Variants in TMEM65 observed in about 807,000 individuals in gnomAD.
TMEM65 encodes transmembrane protein 65.
TMEM65 carries 22 observed loss-of-function variants against 25.4 expected under a neutral mutation model. The ratio of observed to expected loss-of-function variants is 0.86; its 90% CI spans 0.62 to 1.23. The LOEUF is 1.23. Ranked by LOEUF, TMEM65 falls within the 50% of genes most tolerant of loss-of-function variation. The pLI is 0.00. For missense variants in TMEM65, 262 were observed against 308.2 expected (o/e 0.85, Z 1.12); for synonymous variants, 132 against 126.2 (o/e 1.05, Z -0.31).
chr8:124,329,189 T>A (rs1814403037), intron 2 of TMEM65, among the ~76,000 whole-genome samples: 1 of 151,970 alleles, frequency 6.6e-6, no homozygotes, highest in Non-Finnish European at 1.5e-5. Flanking sequence ...AAAATGGGAT[T>A]TTTTTTCAAT....
chr8:124,331,056 G>A (rs1814425696), intron 1 of TMEM65, among the ~76,000 whole-genome samples: 1 of 151,678 alleles, frequency 6.6e-6, no homozygotes, highest in African/African-American at 2.4e-5. Context: ...TTTGTTTTTT[G>A]TTTTTCAGAT....
intron 6 of TMEM65, among the ~76,000 whole-genome samples, 188 bp from the exon 7 acceptor site, chr8:124,314,249 GT>G (rs1814204543): frequency 6.6e-6 from 1 of 151,942 alleles, no homozygotes; most frequent in Non-Finnish European, 1.5e-5. Flanking sequence ...ACATAGCTTT[GT>G]TTTCTTCCTC....
chr8:124,327,805 TA>T (rs1814385209), intron 2 of TMEM65, among the ~76,000 whole-genome samples: 1 of 152,210 alleles, frequency 6.6e-6, no homozygotes, highest in South Asian at 2.1e-4. Context: ...CTATTATGAC[TA>T]AAGTCTGATA....
At chr8:124,331,143 T>C (rs923392004) in intron 1 of TMEM65, among the ~76,000 whole-genome samples, 6 of 151,920 alleles carry the variant, frequency 3.9e-5, no homozygotes, top group African/African-American at 9.6e-5. Flanking sequence ...GAAATAAAGG[T>C]ACTCTTCTTT....
chr8:124,361,834 T>C (rs1184192320), intron 1 of TMEM65, among the ~76,000 whole-genome samples: 1 of 151,644 alleles, frequency 6.6e-6, no homozygotes, highest in African/African-American at 2.4e-5. Context: ...AAACTCCATC[T>C]CAAAAAAATA....
intron 1 of TMEM65, among the ~76,000 whole-genome samples, chr8:124,359,803 C>T (rs921796657): frequency 2.6e-5 from 4 of 151,308 alleles, no homozygotes; most frequent in African/African-American, 4.8e-5. Flanking sequence ...TAATTGATAA[C>T]GAAAATTAAA....
intron 3 of TMEM65, among the ~76,000 whole-genome samples, chr8:124,325,402 C>G (rs145404043): frequency 6.6e-6 from 1 of 151,926 alleles, no homozygotes; most frequent in African/African-American, 2.4e-5. Context: ...TATAACGAAG[C>G]CTCACTGGAA....
chr8:124,332,917 T>C (rs936525844), intron 1 of TMEM65, among the ~76,000 whole-genome samples: 5 of 152,116 alleles, frequency 3.3e-5, no homozygotes, highest in Non-Finnish European at 7.4e-5. Flanking sequence ...GCGATTCTCC[T>C]GTTTCAGCCT....
At chr8:124,334,353 T>G (rs1482184066) in intron 1 of TMEM65, among the ~76,000 whole-genome samples, 1 of 151,976 alleles carries the variant, frequency 6.6e-6, no homozygotes, top group African/African-American at 2.4e-5. Context: ...TTCAAAGATG[T>G]AAATAAAAAT....
At chr8:124,358,031 T>G (rs960370952) in intron 1 of TMEM65, among the ~76,000 whole-genome samples, 2 of 151,926 alleles carry the variant, frequency 1.3e-5, no homozygotes, top group African/African-American at 4.8e-5. Flanking sequence ...GGTTTCGCCA[T>G]GTTAGCCAGG....
intron 6 of TMEM65, among the ~76,000 whole-genome samples, chr8:124,316,355 A>AAT (rs1208550425): frequency 2.0e-5 from 3 of 152,204 alleles, no homozygotes; most frequent in Non-Finnish European, 2.9e-5. Flanking sequence ...GAGGTTTTAA[A>AAT]ATACACCTGT....
intron 1 of TMEM65, among the ~76,000 whole-genome samples, chr8:124,362,709 G>A (rs1814885499): frequency 6.8e-6 from 1 of 146,540 alleles, no homozygotes. Flanking sequence ...AAAGGTTTAT[G>A]AAAATCCAAT....
intron 1 of TMEM65, among the ~76,000 whole-genome samples, chr8:124,362,451 C>G (rs1814879943): frequency 6.6e-6 from 1 of 151,720 alleles, no homozygotes; most frequent in South Asian, 2.1e-4. Flanking sequence ...CACTTGAGGT[C>G]AGGAGTTCAA....
chr8:124,333,089 A>C (rs1255337229), intron 1 of TMEM65, among the ~76,000 whole-genome samples: 2 of 152,020 alleles, frequency 1.3e-5, no homozygotes, highest in Non-Finnish European at 2.9e-5. Context: ...GGCGTGAGCC[A>C]CCATGCCCAG....
At chr8:124,331,871 A>G (rs945751317) in intron 1 of TMEM65, among the ~76,000 whole-genome samples, 2 of 152,196 alleles carry the variant, frequency 1.3e-5, no homozygotes, top group Non-Finnish European at 1.5e-5. Flanking sequence ...ATAAAAAAGT[A>G]AAAGTCAAAT....
chr8:124,354,766 A>G (rs28721926), intron 1 of TMEM65, among the ~76,000 whole-genome samples: 12,997 of 152,196 alleles, frequency 0.085, 599 homozygotes, highest in African/African-American at 0.11. Context: ...CCAAGGTGAG[A>G]ATTTCACCAG....
chr8:124,353,394 T>C (rs569026936), intron 1 of TMEM65, among the ~76,000 whole-genome samples: 2 of 152,256 alleles, frequency 1.3e-5, no homozygotes, highest in South Asian at 2.1e-4. Flanking sequence ...ACATGCCCTG[T>C]GTTATTAGCT....
At position 124,327,308 on chromosome 8, in the gene TMEM65, A is replaced by G. The variant is rs776098235; in HGVS notation, c.417+46T>C. ...AAATTATTAGGAAAATGTAGACCAC[A>G]TTAATTTATGAACTCAAAATAGAAG... is the stretch of plus-strand genomic sequence containing the variant. On this transcript the variant is annotated intron_variant, in intron 3 of 6. Coordinates refer to ENST00000297632, the MANE Select transcript of TMEM65 (RefSeq NM_194291.3). 2.7e-5 allele frequency: 35 copies of G among 1,304,156 alleles called. 1 individual carries two copies. The South Asian group carries it at 4.5e-4, about 17-fold the overall frequency. 80.8% of individuals were successfully genotyped at this position (1,304,156 alleles called of 1,614,324 possible). A position where few individuals can be genotyped will look rare whatever the true frequency, so the allele number is the denominator to read the frequency against.
Position 124,371,882 on chromosome 8 carries a change from G to T in TMEM65, c.276C>A (p.His92Gln). 6.5e-7 allele frequency: 1 copy of T among 1,547,986 alleles called. No homozygotes were observed. The change falls in exon 1 of 7, where the codon CAC becomes CAA. Residue 92 changes from histidine (H) to glutamine (Q), a missense_variant. Transcript: ENST00000297632. ...TERSCLLKEL[H>Q]RFESIAIAQE... ...GGGCAATGGCAATAGACTCGAAGCG[G>T]TGCAGCTCTTTGAGCAGGCAGCTCC... is the stretch of plus-strand genomic sequence containing the variant.
Sources: gnomAD v4.1 joint callset for allele counts (sites outside exome capture counted in the v4.1 genomes callset) on GRCh38, gnomAD v4.1.1 for gene constraint, MANE v1.5 for transcripts, NCBI Gene and HGNC (gene_info 2026-07-23, HGNC 2026-07-21) for gene names.